SKIC3: variants seen among roughly 807,000 people sequenced by gnomAD.
The protein encoded by SKIC3 is superkiller complex protein 3.
At chr5:95,546,807 A>G in the SKIC3 span, among the ~76,000 whole-genome samples, 2 of 152,200 alleles carry the variant, frequency 1.3e-5, no homozygotes, top group Admixed American at 1.3e-4. Context: ...CGATACAACC[A>G]TCAAAAGATA....
the SKIC3 span, chr5:95,467,939 T>C: frequency 2.9e-5 from 46 of 1,613,548 alleles, no homozygotes; most frequent in Non-Finnish European, 3.9e-5. Flanking sequence ...TGCAATAGAT[T>C]TGGGATACCC....
the SKIC3 span, chr5:95,554,970 G>T: frequency 1.9e-5 from 5 of 258,346 alleles, no homozygotes; most frequent in Non-Finnish European, 3.9e-5. Flanking sequence ...AAACGCCGAG[G>T]CTGCAATGAG....
At chr5:95,551,567 C>A in the SKIC3 span, among the ~76,000 whole-genome samples, 3 of 152,210 alleles carry the variant, frequency 2.0e-5, no homozygotes, top group Non-Finnish European at 4.4e-5. Flanking sequence ...ACAAACTTGA[C>A]TATTTCACTG....
the SKIC3 span, among the ~76,000 whole-genome samples, chr5:95,519,592 A>G: frequency 1.3e-5 from 2 of 152,062 alleles, no homozygotes; most frequent in Non-Finnish European, 2.9e-5. Flanking sequence ...CGATTTTAAG[A>G]GCCTAAATTC....
chr5:95,490,412 A>G, the SKIC3 span, among the ~76,000 whole-genome samples: 1 of 148,058 alleles, frequency 6.8e-6, no homozygotes, highest in Non-Finnish European at 1.5e-5. Flanking sequence ...ATATATATAC[A>G]TTATTTAAAT....
the SKIC3 span, among the ~76,000 whole-genome samples, chr5:95,553,566 T>A: frequency 6.6e-6 from 1 of 152,070 alleles, no homozygotes; most frequent in African/African-American, 2.4e-5. Context: ...TTTTTGTTTT[T>A]GTTTTTTTTT....
the SKIC3 span, among the ~76,000 whole-genome samples, chr5:95,476,899 T>C: frequency 6.6e-6 from 1 of 152,244 alleles, no homozygotes; most frequent in Non-Finnish European, 1.5e-5. Context: ...AAAGCATTTA[T>C]AATAGAACCT....
At chr5:95,475,015 C>A in the SKIC3 span, among the ~76,000 whole-genome samples, 1 of 152,180 alleles carries the variant, frequency 6.6e-6, no homozygotes, top group Non-Finnish European at 1.5e-5. Flanking sequence ...GATTATTTTA[C>A]CGGATTCCTT....
chr5:95,485,762 T>C, the SKIC3 span, among the ~76,000 whole-genome samples: 1 of 152,194 alleles, frequency 6.6e-6, no homozygotes, highest in Admixed American at 6.5e-5. Flanking sequence ...GCTGATTAGA[T>C]GCATTCGGTG....
the SKIC3 span, chr5:95,478,550 T>C: frequency 4.2e-5 from 62 of 1,464,210 alleles, 1 homozygote; most frequent in South Asian, 6.5e-4. Flanking sequence ...AAAATGTTTT[T>C]AGTTATTGGT....
At chr5:95,527,038 T>G in the SKIC3 span, among the ~76,000 whole-genome samples, 5 of 152,238 alleles carry the variant, frequency 3.3e-5, no homozygotes, top group Admixed American at 3.3e-4. Flanking sequence ...TGAATCATCA[T>G]GAACACATGG....
chr5:95,475,880 G>A, the SKIC3 span, among the ~76,000 whole-genome samples: 1 of 152,134 alleles, frequency 6.6e-6, no homozygotes. Flanking sequence ...TTAGCCACAT[G>A]GCTCTTCTGT....
At chr5:95,518,323 T>C in the SKIC3 span, among the ~76,000 whole-genome samples, 1 of 152,084 alleles carries the variant, frequency 6.6e-6, no homozygotes, top group African/African-American at 2.4e-5. Context: ...GAATGTTCAC[T>C]ATCCTCCTTC....
chr5:95,519,096 A>C, the SKIC3 span, among the ~76,000 whole-genome samples: 1,817 of 151,812 alleles, frequency 0.012, 39 homozygotes, highest in African/African-American at 0.041. Flanking sequence ...AAAAAAAAAA[A>C]CAAAAATCTA....
chr5:95,542,073 T>C, the SKIC3 span, among the ~76,000 whole-genome samples: 5 of 152,168 alleles, frequency 3.3e-5, no homozygotes, highest in Non-Finnish European at 4.4e-5. Context: ...CTAAATATAA[T>C]AGCTGGGGGT....
chr5:95,544,660 A>G, the SKIC3 span, among the ~76,000 whole-genome samples: 1 of 152,198 alleles, frequency 6.6e-6, no homozygotes, highest in Non-Finnish European at 1.5e-5. Context: ...TATGTTCCCA[A>G]CACCAGGTAC....
At chr5:95,495,882 T>C in the SKIC3 span, among the ~76,000 whole-genome samples, 1 of 152,176 alleles carries the variant, frequency 6.6e-6, no homozygotes, top group Non-Finnish European at 1.5e-5. Context: ...TTTAAAAACA[T>C]ATTCTTAAAA....
At chr5:95,494,956 AAACT>A in the SKIC3 span, 2 of 1,613,732 alleles carry the variant, frequency 1.2e-6, no homozygotes, top group African/African-American at 1.3e-5. Context: ...GTACTAGGAC[AAACT>A]AACCTTTCCA....
chr5:95,528,186 C>T, the SKIC3 span: 6 of 1,612,826 alleles, frequency 3.7e-6, no homozygotes, highest in Non-Finnish European at 5.1e-6. Context: ...ATGAAGACAG[C>T]CATATCACTT....
Sources: allele counts gnomAD v4.1 joint callset (sites outside exome capture counted in the v4.1 genomes callset), GRCh38; gene constraint gnomAD v4.1.1; transcripts MANE v1.5; gene names NCBI Gene and HGNC (gene_info 2026-07-23, HGNC 2026-07-21).